The following TK2 variants were observed in gnomAD, a reference collection of about 807,000 sequenced individuals.
TK2 encodes thymidine kinase 2, mitochondrial.
In TK2, 35 loss-of-function variants were observed where a neutral mutation model predicts 41.9. The observed-to-expected ratio is 0.84, with a 90% CI of 0.64 to 1.11. The LOEUF (loss-of-function observed/expected upper bound fraction) is 1.11. Ranked by LOEUF, TK2 falls within the 50% of genes least tolerant of loss-of-function variation. The pLI is 0.00. For missense variants in TK2, 320 were observed against 351.1 expected, an observed-to-expected ratio of 0.91 and a Z score of 0.71; for synonymous variants, 128 against 129.1, an observed-to-expected ratio of 0.99 and a Z score of 0.06.
chr16:66,528,106 G>A (rs569716825), intron 6 of TK2, among the ~76,000 whole-genome samples: 1 of 152,274 alleles, frequency 6.6e-6, no homozygotes, highest in South Asian at 2.1e-4. Flanking sequence ...GCGTGGTCGG[G>A]GAGGGCTGGG....
chr16:66,537,955 G>A (rs1010646818), intron 3 of TK2, among the ~76,000 whole-genome samples: 2 of 152,288 alleles, frequency 1.3e-5, no homozygotes. Context: ...TTGAGGTCAG[G>A]AGTTCAAGTC....
chr16:66,519,049 C>T (rs1042684246), intron 6 of TK2, among the ~76,000 whole-genome samples: 17 of 152,036 alleles, frequency 1.1e-4, no homozygotes, highest in South Asian at 4.2e-4. Context: ...GCAAGCTCCG[C>T]CCCCCAGGTT....
intron 6 of TK2, among the ~76,000 whole-genome samples, chr16:66,521,948 A>T (rs117544231): frequency 1.6e-4 from 24 of 152,326 alleles, no homozygotes; most frequent in Non-Finnish European, 2.8e-4. Flanking sequence ...AGAGCCCCCC[A>T]GTCTGTGCGG....
intron 2 of TK2, chr16:66,546,476 C>T (rs1597111188): frequency 6.6e-6 from 1 of 152,228 alleles, no homozygotes; most frequent in East Asian, 1.9e-4. Context: ...CTTACATGCT[C>T]CTTGTTAACC....
chr16:66,510,011 A>C lies in TK2; in HGVS notation c.*1957T>G, dbSNP rs1201574519. The C allele has an allele frequency of 6.6e-6, 1 of 152,206 alleles. No homozygotes were observed. The highest frequency in any genetic ancestry group is 2.4e-5 in the African/African-American group (1 of 41,440). 9.4% of individuals were successfully genotyped at this position (152,206 alleles called of 1,614,324 possible). On this transcript the variant is annotated 3_prime_UTR_variant, in exon 10 of 10. Coordinates refer to ENST00000544898, the MANE Select transcript of TK2 (RefSeq NM_004614.5). ...AGGCTCTCTTAGACCCATACACTCCACGTTAGGAAACACGGAGTTTGAAAA... is the reference window on the plus strand; with the variant it reads ...AGGCTCTCTTAGACCCATACACTCCCCGTTAGGAAACACGGAGTTTGAAAA...
intron 3 of TK2, among the ~76,000 whole-genome samples, chr16:66,537,261 G>A (rs1965314062): frequency 6.6e-6 from 1 of 152,152 alleles, no homozygotes; most frequent in East Asian, 1.9e-4. Context: ...GTTACCCAAT[G>A]TGCCAAGCAT....
intron 2 of TK2, among the ~76,000 whole-genome samples, chr16:66,542,349 T>C (rs1965483000): frequency 2.6e-5 from 4 of 152,078 alleles, no homozygotes; most frequent in Admixed American, 2.0e-4. Context: ...ATATATGTTA[T>C]CTAGAATCGA....
intron 3 of TK2, among the ~76,000 whole-genome samples, chr16:66,539,602 G>GAAA (rs775031607): frequency 1.2e-4 from 6 of 49,178 alleles, no homozygotes; most frequent in African/African-American, 2.9e-4. Context: ...CTCCATCTCA[G>GAAA]AAAAAAAAAA....
intron 4 of TK2, 110 bp from the exon 5 acceptor site, chr16:66,531,579 G>A (rs1414341456): frequency 9.7e-7 from 1 of 1,027,544 alleles, no homozygotes; most frequent in Non-Finnish European, 1.5e-6. Flanking sequence ...GCAGGGTTGG[G>A]GCTGGAGATA....
At chr16:66,532,664 A>T (rs114755265) in intron 4 of TK2, among the ~76,000 whole-genome samples, 10,380 of 152,036 alleles carry the variant, frequency 0.068, 511 homozygotes, top group South Asian at 0.17. Flanking sequence ...GAATCTATTT[A>T]ACCAAAGAAG....
Position 66,525,763 on chromosome 16 carries a change from A to G in TK2, c.449+3231T>C, listed in dbSNP as rs1964912553. On this transcript the variant is annotated intron_variant, in intron 6 of 9. Coordinates refer to ENST00000544898, the MANE Select transcript of TK2 (RefSeq NM_004614.5). ...TCTGAGCCCCCCGAAAGCCATATGA[A>G]CTTAAAACAATTAGATCCCAAGAAC... Among the ~76,000 whole-genome samples the G allele has an allele frequency of 2.0e-5, 3 of 152,280 alleles. No homozygotes were observed. In the East Asian group the frequency reaches 5.8e-4, roughly 29 times the overall value.
At chr16:66,520,270 C>T (rs911413676) in intron 6 of TK2, among the ~76,000 whole-genome samples, 1 of 152,110 alleles carries the variant, frequency 6.6e-6, no homozygotes, top group Non-Finnish European at 1.5e-5. Context: ...ACTTTGTGTC[C>T]ACAGGCTGCC....
intron 6 of TK2, among the ~76,000 whole-genome samples, chr16:66,526,044 G>C (rs1271066713): frequency 2.0e-5 from 3 of 152,180 alleles, no homozygotes; most frequent in African/African-American, 7.2e-5. Context: ...CAGAAATGTG[G>C]TGATGCAGGA....
intron 3 of TK2, among the ~76,000 whole-genome samples, chr16:66,539,602 G>GAAAAAAAAAAAAAAAAA (rs775031607): frequency 2.0e-5 from 1 of 49,252 alleles, no homozygotes; most frequent in African/African-American, 7.3e-5. Flanking sequence ...CTCCATCTCA[G>GAAAAAAAAAAAAAAAAA]AAAAAAAAAA....
At chr16:66,536,257 G>C (rs925799471) in intron 4 of TK2, among the ~76,000 whole-genome samples, 1 of 150,640 alleles carries the variant, frequency 6.6e-6, no homozygotes. Context: ...CCATTTACTA[G>C]CTGTGTGACC....
At chr16:66,516,081 C>T (rs941935191) in intron 8 of TK2, among the ~76,000 whole-genome samples, 1 of 151,984 alleles carries the variant, frequency 6.6e-6, no homozygotes, top group Non-Finnish European at 1.5e-5. Flanking sequence ...GGGAATAAGA[C>T]CCAATCTTAA....
At position 66,540,117 on chromosome 16, in the gene TK2, A is replaced by G. The variant is rs544586804; in HGVS notation, c.231+1762T>C. On this transcript the variant is annotated intron_variant, in intron 3 of 9. Transcript: ENST00000544898. ...AACACAGCAGGACAAGGGCTATATA[A>G]TGTTTATTATTATTTTTATCAAACT... Among the ~76,000 whole-genome samples the G allele has an allele frequency of 2.0e-5, 3 of 150,854 alleles. No homozygotes were observed. The East Asian group carries it at 5.9e-4, about 29-fold the overall frequency.
chr16:66,545,168 T>C (rs1394422577), intron 2 of TK2, among the ~76,000 whole-genome samples: 1 of 152,194 alleles, frequency 6.6e-6, no homozygotes, highest in Non-Finnish European at 1.5e-5. Context: ...TATATGTTTA[T>C]GAATATGCAT....
At chr16:66,549,870 A>C in intron 1 of TK2, 68 bp downstream of exon 1, 1 of 1,288,270 alleles carries the variant, frequency 7.8e-7, no homozygotes, top group Non-Finnish European at 9.8e-7. Flanking sequence ...CGGGTTCCGG[A>C]AGCCGAGGGG....
Sources: gnomAD v4.1 joint callset for allele counts (sites outside exome capture counted in the v4.1 genomes callset) on GRCh38, gnomAD v4.1.1 for gene constraint, MANE v1.5 for transcripts, NCBI Gene and HGNC (gene_info 2026-07-23, HGNC 2026-07-21) for gene names.